HHAT: variants seen among roughly 807,000 people sequenced by gnomAD.
The protein encoded by HHAT is hedgehog acyltransferase, also known as protein-cysteine N-palmitoyltransferase HHAT.
In HHAT, 47 loss-of-function variants were observed where a neutral mutation model predicts 70.8. The observed-to-expected ratio is 0.66, with a 90% CI of 0.53 to 0.85. The LOEUF (loss-of-function observed/expected upper bound fraction) is 0.85. Ranked by LOEUF, HHAT falls within the 40% of genes least tolerant of loss-of-function variation. The probability of loss-of-function intolerance (pLI) is 0.00; values close to 1 mark genes in which losing one functional copy is unlikely to be tolerated. For synonymous variants in HHAT, 228 were observed against 247.6 expected (o/e 0.92, Z 0.74); for missense variants, 609 against 604.8 (o/e 1.01, Z -0.07).
intron 3 of HHAT, among the ~76,000 whole-genome samples, chr1:210,386,277 C>T (rs1310367155): frequency 4.0e-4 from 41 of 101,704 alleles, no homozygotes; most frequent in African/African-American, 1.2e-3. Context: ...CTCGCTCTGT[C>T]GCCCAGGCTG....
At chr1:210,654,805 A>G (rs1428725828) in intron 11 of HHAT, among the ~76,000 whole-genome samples, 1 of 152,228 alleles carries the variant, frequency 6.6e-6, no homozygotes, top group Non-Finnish European at 1.5e-5. Context: ...CCAACAGCCT[A>G]GGTCAGTACT....
intron 5 of HHAT, among the ~76,000 whole-genome samples, chr1:210,401,281 T>C (rs1004246400): frequency 5.4e-4 from 82 of 152,114 alleles, no homozygotes; most frequent in Non-Finnish European, 1.0e-4. Context: ...ACCCAGTTAA[T>C]TTTTGTATTT....
chr1:210,587,090 A>C (rs763106965), intron 9 of HHAT, among the ~76,000 whole-genome samples: 1 of 152,212 alleles, frequency 6.6e-6, no homozygotes, highest in Non-Finnish European at 1.5e-5. Flanking sequence ...TGATCTTACC[A>C]ATTGCATTTA....
At chr1:210,397,093 T>TG (rs2091830407) in intron 4 of HHAT, among the ~76,000 whole-genome samples, 1 of 90,440 alleles carries the variant, frequency 1.1e-5, no homozygotes, top group Non-Finnish European at 2.3e-5. Context: ...ATCAATATCC[T>TG]GGTTATGATA....
At chr1:210,356,734 A>G (rs911900978) in intron 2 of HHAT, among the ~76,000 whole-genome samples, 2 of 152,238 alleles carry the variant, frequency 1.3e-5, no homozygotes, top group African/African-American at 4.8e-5. Context: ...CTTACGGGTC[A>G]TGGGCTTTGT....
intron 11 of HHAT, among the ~76,000 whole-genome samples, chr1:210,641,911 C>T (rs187201244): frequency 7.2e-4 from 109 of 152,310 alleles, no homozygotes; most frequent in Non-Finnish European, 1.3e-3. Context: ...CACAAGCAAA[C>T]TTCAGGTCTT....
At chr1:210,398,664 C>T (rs1463204480) in intron 4 of HHAT, among the ~76,000 whole-genome samples, 1 of 152,226 alleles carries the variant, frequency 6.6e-6, no homozygotes, top group Non-Finnish European at 1.5e-5. Flanking sequence ...AAAAACATAA[C>T]TGTGTCTATG....
chr1:210,454,524 A>AG (rs2093822679), intron 7 of HHAT, among the ~76,000 whole-genome samples: 1 of 152,170 alleles, frequency 6.6e-6, no homozygotes, highest in Non-Finnish European at 1.5e-5. Context: ...ACTGCACTCC[A>AG]GTCTGGGTGA....
At chr1:210,540,480 T>C (rs77570275) in intron 9 of HHAT, among the ~76,000 whole-genome samples, 39 of 146,990 alleles carry the variant, frequency 2.7e-4, no homozygotes, top group African/African-American at 8.1e-4. Flanking sequence ...CGCACACACA[T>C]GCACACACAC....
At chr1:210,629,675 C>G (rs1670481739) in intron 11 of HHAT, among the ~76,000 whole-genome samples, 1 of 152,152 alleles carries the variant, frequency 6.6e-6, no homozygotes, top group African/African-American at 2.4e-5. Context: ...TTACCTTTTC[C>G]AGTTTACAGA....
intron 8 of HHAT, among the ~76,000 whole-genome samples, chr1:210,491,765 TTTTG>T (rs978061184): frequency 6.6e-6 from 1 of 152,194 alleles, no homozygotes; most frequent in African/African-American, 2.4e-5. Context: ...TATTTAGCTT[TTTTG>T]TTTGTTTGTT....
At chr1:210,560,367 G>T (rs1300636520) in intron 9 of HHAT, among the ~76,000 whole-genome samples, 2 of 152,024 alleles carry the variant, frequency 1.3e-5, no homozygotes, top group African/African-American at 4.8e-5. Context: ...CTCATGCTTT[G>T]TTGGTTTTCC....
chr1:210,363,959 G>GA (rs2088633469), intron 3 of HHAT, among the ~76,000 whole-genome samples: 1 of 152,044 alleles, frequency 6.6e-6, no homozygotes, highest in African/African-American at 2.4e-5. Context: ...TTTTTCTATT[G>GA]AAAGTTGCAG....
chr1:210,412,816 G>C (rs2092603854), intron 6 of HHAT, among the ~76,000 whole-genome samples: 2 of 152,170 alleles, frequency 1.3e-5, no homozygotes, highest in South Asian at 2.1e-4. Context: ...CCCTGCCTCT[G>C]TGCAGTTCTT....
chr1:210,526,108 A>G (rs1313583289), intron 9 of HHAT, among the ~76,000 whole-genome samples: 4 of 152,134 alleles, frequency 2.6e-5, no homozygotes, highest in Non-Finnish European at 4.4e-5. Context: ...CCTGGAATGC[A>G]TTCTGGTGAG....
chr1:210,386,966 A>C (rs2091121966), intron 3 of HHAT, among the ~76,000 whole-genome samples: 1 of 152,120 alleles, frequency 6.6e-6, no homozygotes, highest in Non-Finnish European at 1.5e-5. Context: ...TGGCAACAAG[A>C]CTCAGAATAA....
intron 7 of HHAT, among the ~76,000 whole-genome samples, chr1:210,459,158 G>C (rs1222952038): frequency 4.6e-5 from 7 of 152,248 alleles, no homozygotes; most frequent in Non-Finnish European, 8.8e-5. Context: ...CCTAGTGCTA[G>C]GACTTCTTTC....
intron 9 of HHAT, among the ~76,000 whole-genome samples, chr1:210,573,443 A>G (rs960431804): frequency 6.6e-6 from 1 of 152,194 alleles, no homozygotes; most frequent in Non-Finnish European, 1.5e-5. Flanking sequence ...GTAATCCAGC[A>G]CAAAGGCCAA....
At chr1:210,438,560 C>A (rs1035981989) in intron 7 of HHAT, among the ~76,000 whole-genome samples, 9 of 151,660 alleles carry the variant, frequency 5.9e-5, no homozygotes, top group African/African-American at 2.2e-4. Context: ...ATCTGGTATA[C>A]CTGCCACTCC....
Sources: gnomAD v4.1 joint callset for allele counts (sites outside exome capture counted in the v4.1 genomes callset) on GRCh38, gnomAD v4.1.1 for gene constraint, MANE v1.5 for transcripts, NCBI Gene and HGNC (gene_info 2026-07-23, HGNC 2026-07-21) for gene names.